Variants in DLG4 observed in about 807,000 individuals in gnomAD.
DLG4 encodes discs large MAGUK scaffold protein 4, also known as disks large homolog 4.
DLG4 carries 7 observed loss-of-function variants against 93.8 expected under a neutral mutation model. That is an observed-to-expected ratio of 0.07 (90% CI 0.04 to 0.14). The LOEUF is 0.14. DLG4 is among the 10% of genes least tolerant of loss of function. The pLI, the probability that DLG4 is intolerant of heterozygous loss-of-function variation, is 1.00. For missense variants in DLG4, 545 were observed against 992.9 expected (o/e 0.55, Z 6.06); for synonymous variants, 341 against 387.6 (o/e 0.88, Z 1.41).
chr17:7,203,802 C>T lies in DLG4; in HGVS notation c.225G>A (p.Leu75=), dbSNP rs190454362. 11 of 1,613,926 alleles carry T rather than the reference C, an allele frequency of 6.8e-6. No individual in the cohort carries two copies. Among genetic ancestry groups the T allele is most frequent in the Middle Eastern group, 1.6e-4 (1 of 6,062 alleles). ...CAGTGCCACCTGCGATGCTGAAGCC[C>T]AGACCTGAGTTACCCTGGGTGAAGG... ...EITLERGNSG[L]GFSIAGGTDN... The change falls in exon 5 of 20, where the codon CTG becomes CTA. Residue 75 remains leucine (L), a synonymous_variant. Coordinates refer to ENST00000399506, the MANE Select transcript of DLG4 (RefSeq NM_001321075.3). This position sits in a 1 kb window ranked among gnomAD's most constrained non-coding sequence, Gnocchi z 7.2.
At chr17:7,209,885 T>C (rs1424241287) in intron 1 of DLG4, among the ~76,000 whole-genome samples, 1 of 151,874 alleles carries the variant, frequency 6.6e-6, no homozygotes, top group Non-Finnish European at 1.5e-5. Flanking sequence ...CTACTAAAAA[T>C]ACAAAAATTA....
upstream of DLG4, chr17:7,218,598 G>T: frequency 1.9e-6 from 3 of 1,566,322 alleles, no homozygotes; most frequent in Non-Finnish European, 2.6e-6. Flanking sequence ...GGTGCCCACC[G>T]CAGCAGTGGG....
intron 2 of DLG4, chr17:7,204,556 G>T: frequency 2.5e-6 from 1 of 395,216 alleles, no homozygotes; most frequent in South Asian, 4.7e-5. Context: ...CAGACGGAGA[G>T]GGGAGCAGCA....
chr17:7,219,876 C>T, upstream of DLG4: 1 of 1,541,118 alleles, frequency 6.5e-7, no homozygotes, highest in Non-Finnish European at 8.7e-7. Context: ...CGTCCGCCGC[C>T]CGGTGCACTG....
chr17:7,194,206 C>G lies in DLG4; in HGVS notation c.1478+113G>C, dbSNP rs1195993929. On this transcript the variant is annotated intron_variant, in intron 12 of 19. Coordinates refer to ENST00000399506, the MANE Select transcript of DLG4 (RefSeq NM_001321075.3). This position sits in a 1 kb window ranked among gnomAD's most constrained non-coding sequence, Gnocchi z 4.4. ...ACGGACCCCAGGAGGGCCCAACAGACAAACCCCTAGGAGTTCAGAGGGCAA... is the reference window on the plus strand; with the variant it reads ...ACGGACCCCAGGAGGGCCCAACAGAGAAACCCCTAGGAGTTCAGAGGGCAA... 2 of 1,429,356 alleles carry G rather than the reference C, an allele frequency of 1.4e-6. No individual in the cohort carries two copies. The highest frequency in any genetic ancestry group is 1.4e-5 in the African/African-American group (1 of 70,270). 88.5% of individuals were successfully genotyped at this position (1,429,356 alleles called of 1,614,324 possible). A position where few individuals can be genotyped will look rare whatever the true frequency, so the allele number is the denominator to read the frequency against.
At position 7,191,790 on chromosome 17, in the gene DLG4, G is replaced by A. The variant is rs566693165; in HGVS notation, c.1976+103C>T. 3.4e-4 allele frequency: 289 copies of A among 838,570 alleles called. 3 individuals carry two copies. Among genetic ancestry groups the A allele is most frequent in the South Asian group, 2.9e-3 (121 of 42,248 alleles). 51.9% of individuals were successfully genotyped at this position (838,570 alleles called of 1,614,324 possible). ...ATCCCCCTCAGGGGCTGCTGAAACC[G>A]CTGTCCAGGGTTCTGAAGGGAGAGT... On this transcript the variant is annotated intron_variant, in intron 18 of 19. Transcript: ENST00000399506. The surrounding 1 kb of genome is among the most constrained non-coding windows in gnomAD (Gnocchi z 6.6).
Position 7,193,206 on chromosome 17 carries a change from C to A in DLG4, c.1694-89G>T. On this transcript the variant is annotated intron_variant, in intron 16 of 19. Coordinates refer to ENST00000399506, the MANE Select transcript of DLG4 (RefSeq NM_001321075.3). The surrounding 1 kb of genome is among the most constrained non-coding windows in gnomAD (Gnocchi z 6.7). ...TACTTCAATCAAATCCCCATAGTGC[C>A]CAGCTGGTCCTTTGGTGAAAGGGAG... is the stretch of plus-strand genomic sequence containing the variant. 6.5e-7 allele frequency: 1 copy of A among 1,545,106 alleles called. No individual in the cohort carries two copies. The highest frequency in any genetic ancestry group is 8.8e-7 in the Non-Finnish European group (1 of 1,134,744).
chr17:7,195,865 G>A lies in DLG4; in HGVS notation c.1301+355C>T, dbSNP rs1403089104. Among the ~76,000 whole-genome samples, 2 of 152,240 alleles carry A rather than the reference G, an allele frequency of 1.3e-5. No homozygotes were observed. The highest frequency in any genetic ancestry group is 4.8e-5 in the African/African-American group (2 of 41,470). On this transcript the variant is annotated intron_variant, in intron 11 of 19. Coordinates refer to ENST00000399506, the MANE Select transcript of DLG4 (RefSeq NM_001321075.3). This position sits in a 1 kb window ranked among gnomAD's most constrained non-coding sequence, Gnocchi z 4.3. ...GCCCACGTCTCCGGGACTGCCCACA[G>A]GGACGTGAAGGCTGGGGCAACACTC...
Position 7,196,186 on chromosome 17 carries a change from G to T in DLG4, c.1301+34C>A. On this transcript the variant is annotated intron_variant, in intron 11 of 19. Coordinates refer to ENST00000399506, the MANE Select transcript of DLG4 (RefSeq NM_001321075.3). The surrounding 1 kb of genome is among the most constrained non-coding windows in gnomAD (Gnocchi z 8.3). ...GGCACAGAGTGCCCAGGAACGCAGA[G>T]GGGCTGAGGAGTCCAGCCCGGGAAG... 1 of 1,527,730 alleles carries T rather than the reference G, an allele frequency of 6.5e-7. No individual in the cohort carries two copies. The highest frequency in any genetic ancestry group is 9.0e-7 in the Non-Finnish European group (1 of 1,108,082). The allele number at this position is 1,527,730 out of a possible 1,614,324, so 94.6% of individuals were successfully genotyped here. A position where few individuals can be genotyped will look rare whatever the true frequency, so the allele number is the denominator to read the frequency against.
rs893595382 is a variant in DLG4 at position 7,196,908 on chromosome 17, G to A, written c.932C>T (p.Pro311Leu). Residue 311 changes from proline to leucine, a missense_variant, in exon 9 of 20, where the codon CCG (proline) becomes CTG (leucine). Physicochemically the swap from Pro to Leu is moderately conservative, Grantham distance 98. Around this residue, in one of 5 missense-constraint regions of DLG4, gnomAD observed 428 missense variants for 741.4 expected, o/e 0.58. Coordinates refer to ENST00000399506, the MANE Select transcript of DLG4 (RefSeq NM_001321075.3). This position sits in a 1 kb window ranked among gnomAD's most constrained non-coding sequence, Gnocchi z 8.3. ...GCCCCGGTGGATCACAATTCGCCTC[G>A]GTTCTCGGGGAATGTCTTCCTCCCC... The part of the protein sequence containing the change: ...LLGEEDIPRE[P>L]RRIVIHRGST... 6.2e-6 allele frequency: 10 copies of A among 1,613,722 alleles called. No homozygotes were observed. Among genetic ancestry groups the A allele is most frequent in the Non-Finnish European group, 7.6e-6 (9 of 1,179,854 alleles).
In DLG4 at chr17:7,191,341, A is replaced by G. The variant is rs561193178; in HGVS notation, c.1994T>C (p.Ile665Thr). 2 of 1,613,688 alleles carry G rather than the reference A, an allele frequency of 1.2e-6. No homozygotes were observed. Among genetic ancestry groups the G allele is most frequent in the South Asian group, 2.2e-5 (2 of 91,076 alleles). Residue 665 changes from isoleucine to threonine, a missense_variant, in exon 19 of 20, where the codon ATC becomes ACC. Physicochemically the swap from Ile to Thr is moderately conservative, Grantham distance 89. This residue lies in a region of DLG4 where 428 missense variants were observed against 741.4 expected (regional missense o/e 0.58). Transcript: ENST00000399506. This position sits in a 1 kb window ranked among gnomAD's most constrained non-coding sequence, Gnocchi z 6.6. Reference protein sequence around the residue: ...LENVLEINKRITEEQARKAFD... With the variant: ...LENVLEINKRTTEEQARKAFD... Reference sequence around the variant, plus strand: ...GGCTTTGCGGGCTTGCTCCTCTGTGATCCGCTTGTTAATCTCTCTGTGAAG... The same window carrying G: ...GGCTTTGCGGGCTTGCTCCTCTGTGGTCCGCTTGTTAATCTCTCTGTGAAG...
upstream of DLG4, chr17:7,218,574 C>T: frequency 1.9e-6 from 3 of 1,565,856 alleles, no homozygotes; most frequent in Non-Finnish European, 2.6e-6. Flanking sequence ...CTATGCAGCA[C>T]TGTGAGGAGT....
At chr17:7,204,342 T>G in intron 2 of DLG4, 90 bp from the exon 3 acceptor site, 2 of 1,315,764 alleles carry the variant, frequency 1.5e-6, no homozygotes, top group Non-Finnish European at 2.1e-6. Flanking sequence ...TGGCTACCCT[T>G]TCAGCCTCTT....
chr17:7,204,413 A>G, intron 2 of DLG4, 161 bp from the exon 3 acceptor site: 1 of 647,700 alleles, frequency 1.5e-6, no homozygotes, highest in Non-Finnish European at 2.7e-6. Flanking sequence ...TCCACATCAC[A>G]CACACGCACA....
chr17:7,202,739 TA>T lies in DLG4; in HGVS notation c.787+163del, dbSNP rs1475818876. 47 of 855,460 alleles carry T rather than the reference TA, an allele frequency of 5.5e-5. No homozygotes were observed. In the African/African-American group the frequency reaches 7.5e-4, roughly 14 times the overall value. The allele number at this position is 855,460 out of a possible 1,614,324, so 53.0% of individuals were successfully genotyped here. A position where few individuals can be genotyped will look rare whatever the true frequency, so the allele number is the denominator to read the frequency against. On this transcript the variant is annotated intron_variant, in intron 8 of 19. Transcript: ENST00000399506. ...ACGATCTTTTCTAGTTCTTTTATGG[TA>T]ATTGATTTTCCATCTCTTCTCCAAC...
rs1273509969 is a variant in DLG4, at chr17:7,196,964, C to A, written c.876G>T (p.Arg292=). 6.2e-7 allele frequency: 1 copy of A among 1,613,714 alleles called. No homozygotes were observed. The highest frequency in any genetic ancestry group is 1.1e-5 in the South Asian group (1 of 91,004). Residue 292 remains arginine, a synonymous_variant, in exon 9 of 20, where the codon CGG becomes CGT. Transcript: ENST00000399506. This position sits in a 1 kb window ranked among gnomAD's most constrained non-coding sequence, Gnocchi z 8.3. ...YPTAMTPTSP[R]RYSPVAKDLL... Reference sequence around the variant, plus strand: ...GGTCCTTGGCCACTGGAGAGTAGCGCCGAGGGGAAGTGGGGGTCATGGCTG... The same window carrying A: ...GGTCCTTGGCCACTGGAGAGTAGCGACGAGGGGAAGTGGGGGTCATGGCTG...
intron 1 of DLG4, among the ~76,000 whole-genome samples, chr17:7,210,916 T>C (rs919639303): frequency 6.6e-6 from 1 of 151,840 alleles, no homozygotes; most frequent in African/African-American, 2.4e-5. Context: ...GAGCCCCCAA[T>C]ACCTCTCCCT....
chr17:7,215,625 C>T (rs889213789), intron 1 of DLG4, among the ~76,000 whole-genome samples: 8 of 152,060 alleles, frequency 5.3e-5, no homozygotes, highest in African/African-American at 1.4e-4. Flanking sequence ...GGAGAAAGCC[C>T]GAAACCCACA....
chr17:7,200,690 G>A (rs1458633822), intron 8 of DLG4, among the ~76,000 whole-genome samples: 1 of 151,758 alleles, frequency 6.6e-6, no homozygotes, highest in Non-Finnish European at 1.5e-5. Flanking sequence ...GGGATTGCAG[G>A]CATGCACCAC....
Sources: gnomAD v4.1 joint callset for allele counts (sites outside exome capture counted in the v4.1 genomes callset) on GRCh38, gnomAD v4.1.1 for gene constraint, gnomAD v4.1.1 regional missense constraint, Gnocchi (gnomAD v3.1) non-coding constraint, MANE v1.5 for transcripts, NCBI Gene and HGNC (gene_info 2026-07-23, HGNC 2026-07-21) for gene names.